The following CACNA2D2 variants were observed in gnomAD, a reference collection of about 807,000 sequenced individuals.
The protein encoded by CACNA2D2 is calcium voltage-gated channel auxiliary subunit alpha2delta 2.
A neutral mutation model predicts 166.4 loss-of-function variants in CACNA2D2; 48 were observed. The observed-to-expected ratio is 0.29, with a 90% CI of 0.23 to 0.37. The LOEUF (loss-of-function observed/expected upper bound fraction) is 0.37. CACNA2D2 is among the 10% of genes least tolerant of loss of function. The probability of loss-of-function intolerance (pLI) is 1.00; values close to 1 mark genes in which losing one functional copy is unlikely to be tolerated. For missense variants in CACNA2D2, 1,122 were observed against 1,433.0 expected, an observed-to-expected ratio of 0.78 and a Z score of 3.50; for synonymous variants, 561 against 573.7, an observed-to-expected ratio of 0.98 and a Z score of 0.32.
At chr3:50,492,024 T>C (rs1698541117) in intron 1 of CACNA2D2, among the ~76,000 whole-genome samples, 1 of 152,226 alleles carries the variant, frequency 6.6e-6, no homozygotes, top group African/African-American at 2.4e-5. Flanking sequence ...CATTGGGTGC[T>C]GACCAATGAC....
At chr3:50,438,391 G>A (rs1289962818) in intron 2 of CACNA2D2, among the ~76,000 whole-genome samples, 5 of 152,144 alleles carry the variant, frequency 3.3e-5, no homozygotes, top group African/African-American at 1.2e-4. Flanking sequence ...TAGGCATCAG[G>A]GCAAGTCCGG....
chr3:50,431,852 G>A (rs1708076826), intron 3 of CACNA2D2, among the ~76,000 whole-genome samples: 1 of 151,918 alleles, frequency 6.6e-6, no homozygotes, highest in South Asian at 2.1e-4. Context: ...GGGCATGGTG[G>A]TGGGCGCCTG....
chr3:50,367,228 C>A lies in CACNA2D2; in HGVS notation c.2402-119G>T. ...ATGACTCCAGCCCAAGCACCCAGCA[C>A]TCAGGACAGTGTTTGGCACAGTCTA... On this transcript the variant is annotated intron_variant, in intron 27 of 37. Coordinates refer to ENST00000424201, the MANE Select transcript of CACNA2D2 (RefSeq NM_006030.4). The surrounding 1 kb of genome is among the most constrained non-coding windows in gnomAD (Gnocchi z 6.5). 1.0e-6 allele frequency: 1 copy of A among 993,514 alleles called. No homozygotes were observed. The highest frequency in any genetic ancestry group is 1.6e-6 in the Non-Finnish European group (1 of 643,800). The allele number at this position is 993,514 out of a possible 1,614,324, so 61.5% of individuals were successfully genotyped here.
At chr3:50,482,530 T>G (rs1189048532) in intron 1 of CACNA2D2, among the ~76,000 whole-genome samples, 2 of 152,224 alleles carry the variant, frequency 1.3e-5, no homozygotes, top group Non-Finnish European at 1.5e-5. Flanking sequence ...AGGAGCTAAG[T>G]GGAAACCACA....
At chr3:50,497,670 T>A (rs1432219076) in intron 1 of CACNA2D2, among the ~76,000 whole-genome samples, 1 of 152,080 alleles carries the variant, frequency 6.6e-6, no homozygotes, top group Non-Finnish European at 1.5e-5. Flanking sequence ...AATGACAGAA[T>A]CTTGACTCCT....
chr3:50,448,761 C>G (rs990178595), intron 2 of CACNA2D2, among the ~76,000 whole-genome samples: 3 of 152,124 alleles, frequency 2.0e-5, no homozygotes, highest in African/African-American at 7.2e-5. Flanking sequence ...TTCTGCCCAC[C>G]ATTTCAGAGG....
chr3:50,380,853 T>C lies in CACNA2D2; in HGVS notation c.785-48A>G. ...GGGGACTGGCAGGAAAGGGCTGGCCTGGGTAGGCAGACCTTGCAGAGGCGA... is the reference window on the plus strand; with the variant it reads ...GGGGACTGGCAGGAAAGGGCTGGCCCGGGTAGGCAGACCTTGCAGAGGCGA... On this transcript the variant is annotated intron_variant, in intron 7 of 37. Coordinates refer to ENST00000424201, the MANE Select transcript of CACNA2D2 (RefSeq NM_006030.4). The surrounding 1 kb of genome is among the most constrained non-coding windows in gnomAD (Gnocchi z 4.9). The C allele has an allele frequency of 6.5e-7, 1 of 1,531,286 alleles. No individual in the cohort carries two copies. Among genetic ancestry groups the C allele is most frequent in the African/African-American group, 1.4e-5 (1 of 72,516 alleles). 94.9% of individuals were successfully genotyped at this position (1,531,286 alleles called of 1,614,324 possible).
intron 2 of CACNA2D2, among the ~76,000 whole-genome samples, chr3:50,474,079 G>A (rs773397055): frequency 3.3e-5 from 5 of 152,194 alleles, no homozygotes; most frequent in Non-Finnish European, 5.9e-5. Flanking sequence ...GAGGGGAAGT[G>A]GAGCCACAGC....
intron 1 of CACNA2D2, among the ~76,000 whole-genome samples, chr3:50,480,826 G>T (rs1398188835): frequency 1.9e-5 from 2 of 106,566 alleles, no homozygotes; most frequent in Non-Finnish European, 3.8e-5. Context: ...AGGGTAAAGA[G>T]GAAGGGGGTT....
chr3:50,373,617 A>AGGC (rs1246522875), intron 22 of CACNA2D2, among the ~76,000 whole-genome samples: 1 of 6,876 alleles, frequency 1.5e-4, no homozygotes, highest in African/African-American at 4.1e-4. Context: ...GTGGGACTGA[A>AGGC]GGGGGGGGGG....
Position 50,434,309 on chromosome 3 carries a change from C to T in CACNA2D2, c.405+4G>A, listed in dbSNP as rs771758176. On this transcript the variant is annotated splice_donor_region_variant and intron_variant, in intron 3 of 37. Coordinates refer to ENST00000424201, the MANE Select transcript of CACNA2D2 (RefSeq NM_006030.4). ...GCCCCCCTGCCCCCAAAACACACAC[C>T]TACCTTCAGGGCCTGCACCTTCCTG... The T allele has an allele frequency of 6.2e-7, 1 of 1,607,960 alleles. No homozygotes were observed.
intron 4 of CACNA2D2, among the ~76,000 whole-genome samples, chr3:50,393,023 G>A (rs1705957978): frequency 6.6e-6 from 1 of 152,188 alleles, no homozygotes; most frequent in Admixed American, 6.5e-5. Context: ...GCCTCAGCAT[G>A]GCCTGGGGGA....
intron 1 of CACNA2D2, among the ~76,000 whole-genome samples, chr3:50,478,989 A>G (rs1036831382): frequency 2.6e-5 from 4 of 152,218 alleles, no homozygotes; most frequent in African/African-American, 9.7e-5. Context: ...GTTAAGTAAA[A>G]GAAAATTAAT....
intron 3 of CACNA2D2, 47 bp downstream of exon 3, chr3:50,434,266 T>C: frequency 7.6e-7 from 1 of 1,323,386 alleles, no homozygotes; most frequent in Non-Finnish European, 1.1e-6. Context: ...CCTCTCCACC[T>C]GGCCCTCCCT....
intron 2 of CACNA2D2, among the ~76,000 whole-genome samples, chr3:50,436,185 G>GTA (rs397806427): frequency 6.6e-6 from 1 of 151,696 alleles, no homozygotes; most frequent in African/African-American, 2.4e-5. Context: ...TGGGGTGTGT[G>GTA]GCCATGGTCT....
At chr3:50,425,810 T>C (rs1412777429) in intron 3 of CACNA2D2, among the ~76,000 whole-genome samples, 3 of 152,126 alleles carry the variant, frequency 2.0e-5, no homozygotes, top group Non-Finnish European at 4.4e-5. Flanking sequence ...GGGTTCATTT[T>C]CTCCATTCAA....
intron 2 of CACNA2D2, among the ~76,000 whole-genome samples, chr3:50,452,015 G>C (rs573649067): frequency 6.6e-6 from 1 of 152,108 alleles, no homozygotes; most frequent in African/African-American, 2.4e-5. Flanking sequence ...TTACCCCTTC[G>C]GCACGAGGCC....
chr3:50,370,787 C>T (rs1704617900), intron 22 of CACNA2D2, among the ~76,000 whole-genome samples: 1 of 152,082 alleles, frequency 6.6e-6, no homozygotes, highest in Admixed American at 6.5e-5. Context: ...TTATCACATC[C>T]ATAATGGAAA....
chr3:50,482,670 G>T (rs1224258267), intron 1 of CACNA2D2, among the ~76,000 whole-genome samples: 1 of 152,182 alleles, frequency 6.6e-6, no homozygotes, highest in East Asian at 1.9e-4. Flanking sequence ...CCTAAACATG[G>T]GATGGTTGTG....
Sources: gnomAD v4.1 joint callset for allele counts (sites outside exome capture counted in the v4.1 genomes callset) on GRCh38, gnomAD v4.1.1 for gene constraint, Gnocchi (gnomAD v3.1) non-coding constraint, MANE v1.5 for transcripts, NCBI Gene and HGNC (gene_info 2026-07-23, HGNC 2026-07-21) for gene names.